Variants in ZBTB20 observed in about 807,000 individuals in gnomAD.
ZBTB20 encodes the protein zinc finger and BTB domain containing 20, also known as zinc finger and BTB domain-containing protein 20.
Under a neutral mutation model 56.9 loss-of-function variants are expected in ZBTB20, and 9 were observed. That is an observed-to-expected ratio of 0.16 (90% CI 0.10 to 0.28). The LOEUF (loss-of-function observed/expected upper bound fraction) is 0.28. ZBTB20 is among the 10% of genes least tolerant of loss of function. The pLI, the probability that ZBTB20 is intolerant of heterozygous loss-of-function variation, is 1.00. For synonymous variants in ZBTB20, 417 were observed against 420.7 expected (o/e 0.99, Z 0.11); for missense variants, 655 against 1,003.0 (o/e 0.65, Z 4.69).
chr3:114,834,618 C>T (rs9854182), intron 4 of ZBTB20, among the ~76,000 whole-genome samples: 94,002 of 151,938 alleles, frequency 0.62, 32,196 homozygotes, highest in East Asian at 0.96. Context: ...TTTCCATCCA[C>T]CTCTTAGCTC....
chr3:114,971,573 T>G (rs1478674968), intron 3 of ZBTB20, among the ~76,000 whole-genome samples: 1 of 152,146 alleles, frequency 6.6e-6, no homozygotes, highest in Admixed American at 6.5e-5. Flanking sequence ...GACGAAAGGA[T>G]GAACAGAATA....
intron 3 of ZBTB20, among the ~76,000 whole-genome samples, chr3:114,903,285 C>G (rs888903933): frequency 5.9e-5 from 9 of 151,994 alleles, no homozygotes; most frequent in Non-Finnish European, 1.0e-4. Context: ...GTTGTCTATG[C>G]AGGTTATATG....
At chr3:114,554,033 T>C (rs995126080) in intron 6 of ZBTB20, among the ~76,000 whole-genome samples, 3 of 152,312 alleles carry the variant, frequency 2.0e-5, no homozygotes, top group South Asian at 4.1e-4. Context: ...AGGCAAAGTA[T>C]TGAAGAAGCA....
At chr3:114,766,884 CA>C (rs2068830488) in intron 5 of ZBTB20, among the ~76,000 whole-genome samples, 1 of 151,952 alleles carries the variant, frequency 6.6e-6, no homozygotes, top group Non-Finnish European at 1.5e-5. Flanking sequence ...CTTTCTTTCC[CA>C]AACTCATTCT....
rs1003856768 is a variant in ZBTB20 at position 114,380,778 on chromosome 3, G to A, written c.10C>T (p.Arg4Trp). The A allele has an allele frequency of 4.0e-5, 60 of 1,510,974 alleles. No homozygotes were observed. Among genetic ancestry groups the A allele is most frequent in the African/African-American group, 2.4e-4 (17 of 71,906 alleles). The allele number at this position is 1,510,974 out of a possible 1,614,324, so 93.6% of individuals were successfully genotyped here. ...GAAAAATACTAGTGGAAGTTTTACC[G>A]TTCTAGCATTTGTCAGGAAGCTTAG... is the stretch of plus-strand genomic sequence containing the variant. MLE[R>W]KKPKTAENQK... The change falls in exon 9 of 12, where the codon CGG becomes TGG. Residue 4 changes from arginine to tryptophan, a missense_variant and splice_region_variant. Arg to Trp is a moderately radical substitution (Grantham distance 101, BLOSUM62 -3). Around this residue, in one of 10 missense-constraint regions of ZBTB20, gnomAD observed 79 missense variants for 78.4 expected, o/e 1.01. Coordinates refer to ENST00000675478, the MANE Select transcript of ZBTB20 (RefSeq NM_001348800.3).
intron 2 of ZBTB20, chr3:115,027,530 G>A (rs930472851): frequency 6.6e-6 from 1 of 150,794 alleles, no homozygotes; most frequent in Admixed American, 6.7e-5. Flanking sequence ...ATGTCCAAAG[G>A]CTTCTTGACT....
At chr3:114,788,217 G>C (rs1469887776) in intron 5 of ZBTB20, among the ~76,000 whole-genome samples, 1 of 152,014 alleles carries the variant, frequency 6.6e-6, no homozygotes, top group South Asian at 2.1e-4. Flanking sequence ...ATTAAAAATT[G>C]ACCATTTTAA....
At chr3:114,592,403 G>A (rs1375636043) in intron 6 of ZBTB20, among the ~76,000 whole-genome samples, 1 of 152,136 alleles carries the variant, frequency 6.6e-6, no homozygotes, top group African/African-American at 2.4e-5. Flanking sequence ...GTCTCTCCTA[G>A]GATATTTCGT....
At chr3:115,094,396 C>T (rs1244424293) in intron 1 of ZBTB20, among the ~76,000 whole-genome samples, 1 of 151,884 alleles carries the variant, frequency 6.6e-6, no homozygotes, top group Non-Finnish European at 1.5e-5. Flanking sequence ...AAGAGAGGAA[C>T]ATTTTCTCAC....
chr3:114,877,291 T>C (rs2076233730), intron 4 of ZBTB20, among the ~76,000 whole-genome samples: 2 of 152,208 alleles, frequency 1.3e-5, no homozygotes, highest in Non-Finnish European at 2.9e-5. Context: ...ACAGCATTGA[T>C]AAAGTTTAAA....
At chr3:114,442,216 G>C (rs1387449193) in intron 7 of ZBTB20, among the ~76,000 whole-genome samples, 1 of 152,150 alleles carries the variant, frequency 6.6e-6, no homozygotes, top group Non-Finnish European at 1.5e-5. Context: ...ACAGCCTGTT[G>C]TGGACTCAGG....
intron 4 of ZBTB20, among the ~76,000 whole-genome samples, chr3:114,809,363 A>G (rs1347471627): frequency 6.6e-6 from 1 of 151,738 alleles, no homozygotes; most frequent in Non-Finnish European, 1.5e-5. Flanking sequence ...TCATTTTTTC[A>G]TTGTTCTTTT....
intron 6 of ZBTB20, among the ~76,000 whole-genome samples, chr3:114,631,469 T>C (rs1194087943): frequency 7.6e-6 from 1 of 131,894 alleles, no homozygotes; most frequent in Non-Finnish European, 1.6e-5. Context: ...CTTGGCTCAC[T>C]GCAACCTCTG....
At chr3:114,681,529 A>C (rs2061973872) in intron 6 of ZBTB20, among the ~76,000 whole-genome samples, 1 of 152,202 alleles carries the variant, frequency 6.6e-6, no homozygotes, top group Non-Finnish European at 1.5e-5. Context: ...AAAAAACATA[A>C]AATCCTTGGC....
At chr3:115,027,530 G>C (rs930472851) in intron 2 of ZBTB20, 3 of 150,794 alleles carry the variant, frequency 2.0e-5, no homozygotes, top group African/African-American at 4.8e-5. Context: ...ATGTCCAAAG[G>C]CTTCTTGACT....
At chr3:115,085,226 CT>C (rs1347080784) in intron 1 of ZBTB20, among the ~76,000 whole-genome samples, 5 of 151,912 alleles carry the variant, frequency 3.3e-5, no homozygotes, top group African/African-American at 1.2e-4. Context: ...AATCAAAACA[CT>C]ATTGGGTGAA....
chr3:114,641,154 T>C (rs2059537639), intron 6 of ZBTB20, among the ~76,000 whole-genome samples: 1 of 152,060 alleles, frequency 6.6e-6, no homozygotes, highest in African/African-American at 2.4e-5. Context: ...TATTTCTCTT[T>C]ATAAATAATG....
intron 1 of ZBTB20, among the ~76,000 whole-genome samples, chr3:115,092,329 C>T (rs948532248): frequency 1.3e-5 from 2 of 152,000 alleles, no homozygotes; most frequent in African/African-American, 2.4e-5. Flanking sequence ...GTGGCACTGT[C>T]GTGCTGACAT....
chr3:115,016,121 G>T (rs1004546571), intron 2 of ZBTB20, among the ~76,000 whole-genome samples: 7 of 151,936 alleles, frequency 4.6e-5, no homozygotes, highest in Non-Finnish European at 1.0e-4. Flanking sequence ...TCTTCCTTGA[G>T]AAGTGTCTGT....
Sources: gnomAD v4.1 joint callset for allele counts (sites outside exome capture counted in the v4.1 genomes callset) on GRCh38, gnomAD v4.1.1 for gene constraint, gnomAD v4.1.1 regional missense constraint, MANE v1.5 for transcripts, NCBI Gene and HGNC (gene_info 2026-07-23, HGNC 2026-07-21) for gene names.